Variants in TNFRSF19 observed in about 807,000 individuals in gnomAD.
TNFRSF19 encodes TNF receptor superfamily member 19, also known as tumor necrosis factor receptor superfamily member 19.
Under a neutral mutation model 46.4 loss-of-function variants are expected in TNFRSF19, and 27 were observed. The ratio of observed to expected loss-of-function variants is 0.58; its 90% CI spans 0.43 to 0.80. The LOEUF (loss-of-function observed/expected upper bound fraction) is 0.80, where lower values mean the gene tolerates loss of function less well. Ranked by LOEUF, TNFRSF19 falls within the 30% of genes least tolerant of loss-of-function variation. The pLI is 0.00. For missense variants in TNFRSF19, 511 were observed against 530.8 expected, an observed-to-expected ratio of 0.96 and a Z score of 0.37; for synonymous variants, 204 against 205.0, an observed-to-expected ratio of 1.00 and a Z score of 0.04.
chr13:23,629,518 G>T lies in TNFRSF19; in HGVS notation c.445+2726G>T, dbSNP rs918534288. 9.2e-5 allele frequency among the ~76,000 whole-genome samples: 14 copies of T among 152,268 alleles called. 1 individual carries two copies. The highest frequency in any genetic ancestry group is 7.8e-4 in the Admixed American group (12 of 15,290). On this transcript the variant is annotated intron_variant, in intron 5 of 9. Transcript: ENST00000248484. ...TGAGCCAGCACTCCCCTCCCCAAGGGCTAGGTCTTCCCTTGTGAAATGGAG... is the reference window on the plus strand; with the variant it reads ...TGAGCCAGCACTCCCCTCCCCAAGGTCTAGGTCTTCCCTTGTGAAATGGAG...
At chr13:23,591,728 C>CTT (rs1238199379) in intron 2 of TNFRSF19, among the ~76,000 whole-genome samples, 12,525 of 103,334 alleles carry the variant, frequency 0.12, 644 homozygotes, top group South Asian at 0.21. Flanking sequence ...TTCTTTCTTT[C>CTT]TTTTTTTTTT....
intron 5 of TNFRSF19, among the ~76,000 whole-genome samples, chr13:23,629,282 C>T (rs1363562241): frequency 6.6e-6 from 1 of 152,164 alleles, no homozygotes; most frequent in Non-Finnish European, 1.5e-5. Context: ...CCAGGAGTAG[C>T]CCTCCCTGGG....
At position 23,579,165 on chromosome 13, in the gene TNFRSF19, C is replaced by T. The variant is rs1233945028; in HGVS notation, c.-35+8317C>T. Among the ~76,000 whole-genome samples, 3 of 152,246 alleles carry T rather than the reference C, an allele frequency of 2.0e-5. No individual in the cohort carries two copies. In the East Asian group the frequency reaches 5.8e-4, roughly 29 times the overall value. ...CCAAGCCCCCAGTCAGCCTCACACT[C>T]ATCCGCTTCAGTAGCCGCGGAGTGG... On this transcript the variant is annotated intron_variant, in intron 1 of 9. Transcript: ENST00000248484.
intron 3 of TNFRSF19, among the ~76,000 whole-genome samples, chr13:23,597,965 T>C (rs879715315): frequency 6.6e-6 from 1 of 152,086 alleles, no homozygotes; most frequent in Non-Finnish European, 1.5e-5. Context: ...ATAAATGTAA[T>C]CCATCACATA....
At chr13:23,615,821 G>C (rs181689871) in intron 3 of TNFRSF19, 46 bp from the exon 4 acceptor site, 22 of 1,507,648 alleles carry the variant, frequency 1.5e-5, no homozygotes, top group Middle Eastern at 2.1e-4. Context: ...TCCTTTTCAC[G>C]CTTGCAAAGT....
At chr13:23,581,395 C>T (rs1878422055) in intron 1 of TNFRSF19, among the ~76,000 whole-genome samples, 1 of 152,010 alleles carries the variant, frequency 6.6e-6, no homozygotes, top group Non-Finnish European at 1.5e-5. Flanking sequence ...ATCCGCCTGC[C>T]TCGACCTCCC....
At chr13:23,574,176 A>C (rs371342217) in intron 1 of TNFRSF19, among the ~76,000 whole-genome samples, 42 of 152,216 alleles carry the variant, frequency 2.8e-4, no homozygotes, top group Non-Finnish European at 4.4e-4. Flanking sequence ...AACTGCCCTC[A>C]TAATAGGGCT....
chr13:23,626,947 G>C (rs985444373), intron 5 of TNFRSF19, among the ~76,000 whole-genome samples, 155 bp downstream of exon 5: 1 of 152,232 alleles, frequency 6.6e-6, no homozygotes, highest in African/African-American at 2.4e-5. Context: ...TGGCAGGACA[G>C]AAAGTCCCTT....
At chr13:23,643,267 C>T (rs1429838377) in intron 5 of TNFRSF19, among the ~76,000 whole-genome samples, 1 of 152,136 alleles carries the variant, frequency 6.6e-6, no homozygotes, top group Non-Finnish European at 1.5e-5. Context: ...AATAGCATAC[C>T]TCTTCTGTTT....
chr13:23,570,832 A>T lies in TNFRSF19; in HGVS notation c.-51A>T, dbSNP rs148992593. The T allele has an allele frequency of 9.8e-5, 15 of 152,306 alleles. No individual in the cohort carries two copies. In the East Asian group the frequency reaches 2.7e-3, roughly 27 times the overall value. 9.4% of individuals were successfully genotyped at this position (152,306 alleles called of 1,614,324 possible). Reference sequence around the variant, plus strand: ...TGGCACAGAAGTGCTGCCAGGAGAAACTAAGTTGCTGAACGGGTAAGTACT... The same window carrying T: ...TGGCACAGAAGTGCTGCCAGGAGAATCTAAGTTGCTGAACGGGTAAGTACT... On this transcript the variant is annotated 5_prime_UTR_variant, in exon 1 of 10. Coordinates refer to ENST00000248484, the MANE Select transcript of TNFRSF19 (RefSeq NM_148957.4).
intron 1 of TNFRSF19, among the ~76,000 whole-genome samples, chr13:23,579,816 G>A (rs1452552948): frequency 2.0e-5 from 3 of 152,208 alleles, no homozygotes; most frequent in African/African-American, 7.2e-5. Context: ...ACTCCTATCC[G>A]GGATATTGTA....
At chr13:23,637,426 G>A (rs756405324) in intron 5 of TNFRSF19, among the ~76,000 whole-genome samples, 24 of 152,184 alleles carry the variant, frequency 1.6e-4, no homozygotes, top group Non-Finnish European at 2.2e-4. Flanking sequence ...CAGTAATGCC[G>A]GGGCTGAGTC....
chr13:23,654,324 T>G (rs779594775), intron 5 of TNFRSF19, among the ~76,000 whole-genome samples: 3 of 152,046 alleles, frequency 2.0e-5, no homozygotes, highest in Non-Finnish European at 4.4e-5. Context: ...CCCATTTCCC[T>G]CCCTACTTGG....
At chr13:23,575,203 C>T (rs1037144125) in intron 1 of TNFRSF19, among the ~76,000 whole-genome samples, 4 of 152,286 alleles carry the variant, frequency 2.6e-5, no homozygotes, top group Admixed American at 6.5e-5. Context: ...CTTCCCTCAT[C>T]GAACTCATGA....
At chr13:23,627,727 A>C (rs1199653727) in intron 5 of TNFRSF19, among the ~76,000 whole-genome samples, 1 of 152,226 alleles carries the variant, frequency 6.6e-6, no homozygotes, top group Non-Finnish European at 1.5e-5. Context: ...TTTTCAATGC[A>C]TGGGCTCTGT....
At chr13:23,607,074 A>C (rs1249446227) in intron 3 of TNFRSF19, among the ~76,000 whole-genome samples, 4 of 152,152 alleles carry the variant, frequency 2.6e-5, no homozygotes, top group Admixed American at 2.6e-4. Flanking sequence ...GACTAAGACT[A>C]AGCTTTAAAT....
intron 7 of TNFRSF19, among the ~76,000 whole-genome samples, chr13:23,662,036 TTA>T (rs1884398855): frequency 6.6e-6 from 1 of 152,256 alleles, no homozygotes; most frequent in Admixed American, 6.5e-5. Flanking sequence ...GGTCTTAAGT[TTA>T]ATTAGATCTC....
chr13:23,600,860 T>C (rs1237751408), intron 3 of TNFRSF19, among the ~76,000 whole-genome samples: 2 of 152,186 alleles, frequency 1.3e-5, no homozygotes, highest in African/African-American at 4.8e-5. Flanking sequence ...CAGCTCCTTC[T>C]ACCCAGTGTA....
At chr13:23,660,311 GGTCCACTAGAGAGGAGACTGT>G in intron 6 of TNFRSF19, 33 bp from the exon 7 acceptor site, 1 of 1,550,196 alleles carries the variant, frequency 6.5e-7, no homozygotes, top group Non-Finnish European at 8.8e-7. Context: ...GAATGGCACA[GGTCCACTAGAGAGGAGACTGT>G]GTTCCCTGAC....
Sources: gnomAD v4.1 joint callset for allele counts (sites outside exome capture counted in the v4.1 genomes callset) on GRCh38, gnomAD v4.1.1 for gene constraint, MANE v1.5 for transcripts, NCBI Gene and HGNC (gene_info 2026-07-23, HGNC 2026-07-21) for gene names.